Variants in ERBIN observed in about 807,000 individuals in gnomAD.
The protein encoded by ERBIN is erbb2 interacting protein.
A neutral mutation model predicts 158.4 loss-of-function variants in ERBIN; 60 were observed. The ratio of observed to expected loss-of-function variants is 0.38; its 90% CI spans 0.31 to 0.47. The LOEUF is 0.47. ERBIN is among the 20% of genes least tolerant of loss of function. The pLI is 0.99. For synonymous variants in ERBIN, 594 were observed against 557.2 expected, an observed-to-expected ratio of 1.07 and a Z score of -0.93; for missense variants, 1,610 against 1,648.0, an observed-to-expected ratio of 0.98 and a Z score of 0.40.
At chr5:66,073,539 G>T (rs1761713837) in intron 22 of ERBIN, among the ~76,000 whole-genome samples, 1 of 152,048 alleles carries the variant, frequency 6.6e-6, no homozygotes, top group Non-Finnish European at 1.5e-5. Flanking sequence ...ATTTAACTAA[G>T]TTCTCAAGTA....
At chr5:65,952,972 T>G (rs1746694773) in intron 1 of ERBIN, among the ~76,000 whole-genome samples, 1 of 152,206 alleles carries the variant, frequency 6.6e-6, no homozygotes, top group South Asian at 2.1e-4. Context: ...AAAAGTTTCG[T>G]CCTCCTTCCT....
At chr5:66,036,618 A>G (rs1306971807) in intron 14 of ERBIN, among the ~76,000 whole-genome samples, 1 of 152,088 alleles carries the variant, frequency 6.6e-6, no homozygotes, top group East Asian at 1.9e-4. Flanking sequence ...GCAGTTGCCT[A>G]TTTTGTTACC....
At chr5:65,932,696 A>T (rs1382700535) in intron 1 of ERBIN, among the ~76,000 whole-genome samples, 1 of 152,102 alleles carries the variant, frequency 6.6e-6, no homozygotes, top group African/African-American at 2.4e-5. Context: ...TTGAAGCTTG[A>T]TCTTTAAGCC....
At chr5:66,035,079 C>G (rs1327661665) in intron 14 of ERBIN, among the ~76,000 whole-genome samples, 1 of 152,124 alleles carries the variant, frequency 6.6e-6, no homozygotes, top group Non-Finnish European at 1.5e-5. Flanking sequence ...CCTGACTGCT[C>G]CTCAGTCTCC....
chr5:66,015,106 C>T (rs1021055040), intron 7 of ERBIN, among the ~76,000 whole-genome samples: 49 of 152,128 alleles, frequency 3.2e-4, no homozygotes, highest in African/African-American at 8.2e-4. Flanking sequence ...AGCCTGGTAA[C>T]GGTAGAACTT....
chr5:66,050,887 C>T lies in ERBIN; in HGVS notation c.2008C>T (p.Leu670Phe), dbSNP rs1005923573. Residue 670 changes from leucine (L) to phenylalanine (F), a missense_variant, in exon 20 of 26, where the codon CTT becomes TTT. By Grantham distance (22) the Leu-to-Phe change is conservative (BLOSUM62 0). Transcript: ENST00000284037. ...ATCTCGGATGTCTGATTCAGTTTCTCTTAATACTGATAGTAGTCAAGACAC... is the reference window on the plus strand; with the variant it reads ...ATCTCGGATGTCTGATTCAGTTTCTTTTAATACTGATAGTAGTCAAGACAC... ...SPSRMSDSVS[L>F]NTDSSQDTSL... 8 of 1,606,362 alleles carry T rather than the reference C, an allele frequency of 5.0e-6. No homozygotes were observed. The highest frequency in any genetic ancestry group is 6.8e-6 in the Non-Finnish European group (8 of 1,176,790).
At chr5:65,992,936 T>C in intron 3 of ERBIN, 29 bp downstream of exon 3, 2 of 1,459,780 alleles carry the variant, frequency 1.4e-6, no homozygotes, top group Non-Finnish European at 1.8e-6. Flanking sequence ...TCAAGAATTA[T>C]CTTTGGTTAT....
chr5:66,026,032 C>T, intron 12 of ERBIN, 55 bp downstream of exon 12: 3 of 1,408,692 alleles, frequency 2.1e-6, no homozygotes, highest in South Asian at 1.4e-5. Flanking sequence ...TTCTGATTAT[C>T]TTCATTATAG....
intron 1 of ERBIN, among the ~76,000 whole-genome samples, chr5:65,979,317 A>G (rs1403210213): frequency 1.3e-5 from 2 of 152,058 alleles, no homozygotes; most frequent in Non-Finnish European, 2.9e-5. Context: ...AGTCCCAACT[A>G]TTTGGGAGAC....
chr5:66,055,919 A>G lies in ERBIN; in HGVS notation c.3633+968A>G, dbSNP rs1470066096. On this transcript the variant is annotated intron_variant, in intron 21 of 25. Transcript: ENST00000284037. ...TAGTGCAGTCCTCAACTTTAAATGA[A>G]CTTTAAATAGGTAAATATCCACAAG... 5.3e-5 allele frequency among the ~76,000 whole-genome samples: 8 copies of G among 152,140 alleles called. No homozygotes were observed. The East Asian group carries it at 1.5e-3, about 29-fold the overall frequency.
At chr5:66,061,909 A>T (rs1760420027) in intron 21 of ERBIN, among the ~76,000 whole-genome samples, 1 of 152,226 alleles carries the variant, frequency 6.6e-6, no homozygotes, top group African/African-American at 2.4e-5. Flanking sequence ...CTGCCAAGAG[A>T]TCAGCTGTTA....
At chr5:65,949,566 A>AT (rs1442301730) in intron 1 of ERBIN, among the ~76,000 whole-genome samples, 1 of 152,242 alleles carries the variant, frequency 6.6e-6, no homozygotes, top group Admixed American at 6.5e-5. Context: ...AATAAGTTAA[A>AT]TAACTGGATT....
intron 4 of ERBIN, among the ~76,000 whole-genome samples, chr5:65,999,746 C>G (rs1034269267): frequency 1.3e-5 from 2 of 152,102 alleles, no homozygotes; most frequent in Non-Finnish European, 2.9e-5. Flanking sequence ...TTATTTTATT[C>G]AGGCTAAATG....
chr5:65,964,659 A>C (rs971991916), intron 1 of ERBIN, among the ~76,000 whole-genome samples: 1 of 152,134 alleles, frequency 6.6e-6, no homozygotes, highest in Non-Finnish European at 1.5e-5. Flanking sequence ...CCTGTGCAGA[A>C]GCATTGATTT....
intron 1 of ERBIN, among the ~76,000 whole-genome samples, chr5:65,956,300 A>G (rs185478946): frequency 3.3e-4 from 50 of 151,578 alleles, no homozygotes; most frequent in Middle Eastern, 3.4e-3. Flanking sequence ...TATAGCATGC[A>G]TGCATGCATT....
chr5:66,026,268 A>C (rs1414954319), intron 12 of ERBIN, 34 bp from the exon 13 acceptor site: 8 of 1,447,318 alleles, frequency 5.5e-6, no homozygotes, highest in Non-Finnish European at 6.5e-6. Flanking sequence ...TGTAGGCCAA[A>C]TTTTTTGATA....
chr5:65,941,746 G>A (rs972522668), intron 1 of ERBIN, among the ~76,000 whole-genome samples: 1 of 151,866 alleles, frequency 6.6e-6, no homozygotes, highest in Non-Finnish European at 1.5e-5. Flanking sequence ...CTTTCTTGTA[G>A]TATTTTTTTT....
At chr5:66,044,919 T>TA (rs895824490) in intron 17 of ERBIN, among the ~76,000 whole-genome samples, 8 of 145,954 alleles carry the variant, frequency 5.5e-5, no homozygotes, top group East Asian at 2.0e-4. Context: ...ACAGAAAGTT[T>TA]AAAAAAAAAA....
rs1313075529 is a variant in ERBIN, at chr5:66,018,507, T to A, written c.534-2815T>A. 9.8e-4 allele frequency among the ~76,000 whole-genome samples: 9 copies of A among 9,172 alleles called. 2 individuals are homozygous for A. The highest frequency in any genetic ancestry group is 6.4e-3 in the African/African-American group (9 of 1,398). The allele number at this position is 9,172 out of a possible 152,430, so 6.0% of individuals were successfully genotyped here. ...ATATATTATATTATATAATATATAT[T>A]ATATATTATATAATATATATTATAT... On this transcript the variant is annotated intron_variant, in intron 7 of 25. Transcript: ENST00000284037.
Sources: allele counts gnomAD v4.1 joint callset (sites outside exome capture counted in the v4.1 genomes callset), GRCh38; gene constraint gnomAD v4.1.1; transcripts MANE v1.5; gene names NCBI Gene and HGNC (gene_info 2026-07-23, HGNC 2026-07-21).